RFC3: variants seen among roughly 807,000 people sequenced by gnomAD.
The protein encoded by RFC3 is A1 38 kDa subunit.
A neutral mutation model predicts 45.1 loss-of-function variants in RFC3; 41 were observed. The observed-to-expected ratio is 0.91, with a 90% CI of 0.71 to 1.18. The LOEUF (loss-of-function observed/expected upper bound fraction) is 1.18, where lower values mean the gene tolerates loss of function less well. Ranked by LOEUF, RFC3 falls within the 50% of genes most tolerant of loss-of-function variation. The pLI is 0.00. For synonymous variants in RFC3, 149 were observed against 144.0 expected, an observed-to-expected ratio of 1.03 and a Z score of -0.25; for missense variants, 423 against 428.1, an observed-to-expected ratio of 0.99 and a Z score of 0.10.
At chr13:33,967,062 T>C (rs1198262801), downstream of RFC3, among the ~76,000 whole-genome samples, 1 of 151,628 alleles carries the variant, frequency 6.6e-6, no homozygotes, top group African/African-American at 2.4e-5. Context: ...GAGGCTGAGG[T>C]GGGAGGATCA....
chr13:33,826,556 C>T (rs1477885165), intron 4 of RFC3, among the ~76,000 whole-genome samples: 1 of 152,076 alleles, frequency 6.6e-6, no homozygotes, highest in African/African-American at 2.4e-5. Flanking sequence ...TACATATTCT[C>T]AGCTGATTTC....
chr13:33,891,041 T>C (rs1383390963), intron 8 of RFC3, among the ~76,000 whole-genome samples: 2 of 152,152 alleles, frequency 1.3e-5, no homozygotes, highest in Admixed American at 6.6e-5. Flanking sequence ...GTGAAAAAGG[T>C]TATAATTTCC....
In RFC3 at chr13:33,818,176, G is replaced by T. The variant is rs1053164827; in HGVS notation, c.-3G>T. On this transcript the variant is annotated 5_prime_UTR_variant, in exon 1 of 9. Transcript: ENST00000380071. ...GCGTAGGCCCCCGGGAACTCGAGCT[G>T]CCATGAGCCTCTGGGTGGACAAGTA... The T allele has an allele frequency of 5.0e-6, 8 of 1,612,504 alleles. No homozygotes were observed. The highest frequency in any genetic ancestry group is 3.3e-5 in the South Asian group (3 of 90,946).
intron 8 of RFC3, among the ~76,000 whole-genome samples, chr13:33,908,607 T>TACACAC (rs71074991): frequency 1.6e-3 from 223 of 142,700 alleles, no homozygotes; most frequent in East Asian, 0.014. Flanking sequence ...ACACAGGAGA[T>TACACAC]ACACACACAC....
chr13:33,932,728 A>G (rs1273328677), intron 8 of RFC3, among the ~76,000 whole-genome samples: 1 of 152,214 alleles, frequency 6.6e-6, no homozygotes, highest in East Asian at 1.9e-4. Flanking sequence ...GTCCACATGC[A>G]TAAACCACAT....
chr13:33,826,979 A>G (rs2082055541), intron 4 of RFC3, among the ~76,000 whole-genome samples: 1 of 152,196 alleles, frequency 6.6e-6, no homozygotes, highest in African/African-American at 2.4e-5. Context: ...GATCATGGTA[A>G]GAAAATATTC....
intron 8 of RFC3, among the ~76,000 whole-genome samples, chr13:33,865,903 C>CA (rs1180923664): frequency 6.6e-6 from 1 of 151,488 alleles, no homozygotes; most frequent in Non-Finnish European, 1.5e-5. Flanking sequence ...AAAATACACA[C>CA]AAAAAATTAG....
intron 8 of RFC3, among the ~76,000 whole-genome samples, chr13:33,935,091 A>T (rs116644273): frequency 6.6e-6 from 1 of 151,808 alleles, no homozygotes; most frequent in Non-Finnish European, 1.5e-5. Context: ...AAATATGTCA[A>T]TTTTTCCTTT....
intron 8 of RFC3, chr13:33,965,961 C>G (rs559980806): frequency 3.0e-6 from 2 of 667,010 alleles, no homozygotes; most frequent in East Asian, 5.2e-5. Context: ...TTAATTCATT[C>G]GTAGCTTGCT....
intron 8 of RFC3, among the ~76,000 whole-genome samples, chr13:33,929,019 C>A (rs1343893282): frequency 6.6e-6 from 1 of 152,026 alleles, no homozygotes; most frequent in Non-Finnish European, 1.5e-5. Context: ...CTAAAATGGA[C>A]AAATAATTTT....
intron 8 of RFC3, chr13:33,848,763 C>T (rs1167293282): frequency 3.3e-5 from 5 of 151,922 alleles, no homozygotes; most frequent in Admixed American, 6.6e-5. Context: ...AAACCAAAAG[C>T]ATGGGTGTCA....
chr13:33,875,761 T>G (rs1189287575), intron 8 of RFC3, among the ~76,000 whole-genome samples: 1 of 152,028 alleles, frequency 6.6e-6, no homozygotes, highest in Admixed American at 6.6e-5. Flanking sequence ...GGGGGTGCCG[T>G]TGCATGTTAT....
At chr13:33,864,860 C>T (rs1450891560) in intron 8 of RFC3, among the ~76,000 whole-genome samples, 1 of 152,034 alleles carries the variant, frequency 6.6e-6, no homozygotes, top group African/African-American at 2.4e-5. Context: ...CTAACCTGAG[C>T]TATGGTGAGT....
At chr13:33,879,778 G>A (rs1312189567) in intron 8 of RFC3, among the ~76,000 whole-genome samples, 1 of 152,128 alleles carries the variant, frequency 6.6e-6, no homozygotes, top group Non-Finnish European at 1.5e-5. Flanking sequence ...CTGGAGTGTA[G>A]AAGTCCGCGC....
intron 8 of RFC3, among the ~76,000 whole-genome samples, chr13:33,882,606 A>G (rs2082492437): frequency 6.6e-6 from 1 of 152,236 alleles, no homozygotes; most frequent in Non-Finnish European, 1.5e-5. Flanking sequence ...CTCACCCAAC[A>G]GTGGACCTGC....
At chr13:33,921,876 A>C (rs1471033567) in intron 8 of RFC3, among the ~76,000 whole-genome samples, 2 of 152,166 alleles carry the variant, frequency 1.3e-5, no homozygotes, top group African/African-American at 4.8e-5. Flanking sequence ...TGTAGTAGGG[A>C]CATATAGAAT....
chr13:33,929,635 C>T (rs1381555717), intron 8 of RFC3, among the ~76,000 whole-genome samples: 1 of 151,942 alleles, frequency 6.6e-6, no homozygotes, highest in East Asian at 1.9e-4. Flanking sequence ...AAATTTTAAA[C>T]TTACCTATAA....
intron 4 of RFC3, among the ~76,000 whole-genome samples, chr13:33,826,371 A>G (rs1167833088): frequency 6.6e-6 from 1 of 152,174 alleles, no homozygotes; most frequent in Admixed American, 6.5e-5. Flanking sequence ...ATAGATTTAT[A>G]CTACCAATAG....
At chr13:33,844,889 A>T (rs1443842817) in intron 8 of RFC3, among the ~76,000 whole-genome samples, 1 of 152,192 alleles carries the variant, frequency 6.6e-6, no homozygotes, top group African/African-American at 2.4e-5. Flanking sequence ...GTACCTTCAG[A>T]TGATTTCTTG....
Sources: gnomAD v4.1 joint callset for allele counts (sites outside exome capture counted in the v4.1 genomes callset) on GRCh38, gnomAD v4.1.1 for gene constraint, MANE v1.5 for transcripts, NCBI Gene and HGNC (gene_info 2026-07-23, HGNC 2026-07-21) for gene names.